Variants in NEGR1 observed in about 807,000 individuals in gnomAD.
The protein encoded by NEGR1 is IgLON family member 4.
NEGR1 carries 10 observed loss-of-function variants against 40.9 expected under a neutral mutation model. That is an observed-to-expected ratio of 0.24 (90% confidence interval 0.15 to 0.42). The LOEUF is 0.42. Ranked by LOEUF, NEGR1 falls within the 10% of genes least tolerant of loss-of-function variation. NEGR1 has a pLI of 1.00. For synonymous variants in NEGR1, 185 were observed against 166.8 expected, an observed-to-expected ratio of 1.11 and a Z score of -0.84; for missense variants, 352 against 438.9, an observed-to-expected ratio of 0.80 and a Z score of 1.77.
At chr1:71,513,162 A>T (rs1294290241) in intron 6 of NEGR1, among the ~76,000 whole-genome samples, 1 of 119,654 alleles carries the variant, frequency 8.4e-6, no homozygotes, top group East Asian at 2.1e-4. Context: ...ATTATACTAC[A>T]TATAATTCAA....
At chr1:72,155,836 C>T (rs2100364041) in intron 1 of NEGR1, among the ~76,000 whole-genome samples, 1 of 152,178 alleles carries the variant, frequency 6.6e-6, no homozygotes, top group Admixed American at 6.6e-5. Context: ...ACATTGGTGT[C>T]TAACACACAG....
At chr1:71,668,339 G>A (rs1406530611) in intron 4 of NEGR1, among the ~76,000 whole-genome samples, 3 of 152,114 alleles carry the variant, frequency 2.0e-5, no homozygotes, top group Non-Finnish European at 4.4e-5. Flanking sequence ...CCGTTCCCTG[G>A]GTAGCAGTGG....
chr1:71,938,923 A>C (rs144391779), intron 1 of NEGR1, among the ~76,000 whole-genome samples: 1 of 152,262 alleles, frequency 6.6e-6, no homozygotes, highest in African/African-American at 2.4e-5. Context: ...AGCAGAATGA[A>C]CATTTTAGAG....
chr1:72,172,274 A>G (rs1278014489), intron 1 of NEGR1, among the ~76,000 whole-genome samples: 1 of 152,166 alleles, frequency 6.6e-6, no homozygotes, highest in Non-Finnish European at 1.5e-5. Flanking sequence ...CATTATTTCA[A>G]TAATTTTGTC....
intron 2 of NEGR1, among the ~76,000 whole-genome samples, chr1:71,915,252 A>C (rs1661541134): frequency 6.6e-6 from 1 of 152,146 alleles, no homozygotes; most frequent in African/African-American, 2.4e-5. Flanking sequence ...TGTCATTACA[A>C]AGTTGAAAAA....
At chr1:71,653,954 C>A (rs1651795983) in intron 4 of NEGR1, among the ~76,000 whole-genome samples, 5 of 152,238 alleles carry the variant, frequency 3.3e-5, no homozygotes, top group African/African-American at 1.2e-4. Flanking sequence ...CCTCAGATAA[C>A]TCTCTTTGTT....
intron 1 of NEGR1, among the ~76,000 whole-genome samples, chr1:72,252,678 G>C (rs1655142403): frequency 1.3e-5 from 2 of 152,132 alleles, no homozygotes; most frequent in African/African-American, 4.8e-5. Flanking sequence ...GGGAGAGAGA[G>C]ACGGAGAGAG....
intron 2 of NEGR1, among the ~76,000 whole-genome samples, chr1:71,928,366 A>ATATGTATATATGTG (rs1645814094): frequency 1.0e-5 from 1 of 98,332 alleles, no homozygotes; most frequent in Non-Finnish European, 2.0e-5. Flanking sequence ...ATATATACAC[A>ATATGTATATATGTG]TATGTATATA....
chr1:71,744,351 T>TAAC (rs1237361184), intron 3 of NEGR1, among the ~76,000 whole-genome samples: 1 of 146,816 alleles, frequency 6.8e-6, no homozygotes, highest in Non-Finnish European at 1.5e-5. Flanking sequence ...TAAATAATAA[T>TAAC]AATAATAATA....
intron 1 of NEGR1, among the ~76,000 whole-genome samples, chr1:72,030,225 T>C (rs1369729325): frequency 6.6e-6 from 1 of 151,866 alleles, no homozygotes; most frequent in African/African-American, 2.4e-5. Flanking sequence ...GATGGAGTCT[T>C]GCTCTGTCAC....
At chr1:71,420,448 A>G (rs886188096) in intron 6 of NEGR1, among the ~76,000 whole-genome samples, 2 of 152,074 alleles carry the variant, frequency 1.3e-5, no homozygotes, top group African/African-American at 4.8e-5. Flanking sequence ...CACAAAGATG[A>G]ACAATACCTA....
chr1:71,955,263 T>C (rs1380785505), intron 1 of NEGR1, among the ~76,000 whole-genome samples: 1 of 152,180 alleles, frequency 6.6e-6, no homozygotes, highest in African/African-American at 2.4e-5. Flanking sequence ...GCCTACAATC[T>C]AATGTGGCCT....
chr1:71,984,244 G>A (rs1053551986), intron 1 of NEGR1, among the ~76,000 whole-genome samples: 1 of 145,784 alleles, frequency 6.9e-6, no homozygotes, highest in Admixed American at 6.8e-5. Context: ...ATTACTTCAG[G>A]TCCTACTGCT....
At chr1:72,132,901 A>G (rs939108052) in intron 1 of NEGR1, among the ~76,000 whole-genome samples, 2 of 152,226 alleles carry the variant, frequency 1.3e-5, no homozygotes, top group South Asian at 4.1e-4. Context: ...CATATTAAAC[A>G]GTTGTGTTGT....
chr1:71,401,914 G>A lies in NEGR1; in HGVS notation c.*5532C>T, dbSNP rs993259818. ...ACGTTTCCAAAGTTTTAGATGACAT[G>A]TACAATCTGATTAGCCTTTAAATCT... On this transcript the variant is annotated 3_prime_UTR_variant, in exon 7 of 7. Transcript: ENST00000357731. 3 of 152,044 alleles carry A rather than the reference G, an allele frequency of 2.0e-5. No homozygotes were observed. The highest frequency in any genetic ancestry group is 2.9e-5 in the Non-Finnish European group (2 of 68,022). 9.4% of individuals were successfully genotyped at this position (152,044 alleles called of 1,614,324 possible).
chr1:71,579,368 T>C (rs1048349525), intron 6 of NEGR1, among the ~76,000 whole-genome samples: 1 of 152,202 alleles, frequency 6.6e-6, no homozygotes, highest in African/African-American at 2.4e-5. Flanking sequence ...CAAGTTATTT[T>C]AGCTCAACTT....
At chr1:71,433,812 CT>C (rs1173111123) in intron 6 of NEGR1, among the ~76,000 whole-genome samples, 2 of 152,320 alleles carry the variant, frequency 1.3e-5, no homozygotes, top group African/African-American at 4.8e-5. Context: ...GAGAGATTAT[CT>C]TTCTCTATAA....
chr1:72,242,294 A>C (rs989348789), intron 1 of NEGR1, among the ~76,000 whole-genome samples: 1 of 151,734 alleles, frequency 6.6e-6, no homozygotes, highest in Non-Finnish European at 1.5e-5. Flanking sequence ...AATGAGAAAA[A>C]ATTAAGCTAT....
chr1:72,145,135 G>A (rs1277063191), intron 1 of NEGR1, among the ~76,000 whole-genome samples: 1 of 151,926 alleles, frequency 6.6e-6, no homozygotes, highest in Non-Finnish European at 1.5e-5. Context: ...ATGTCTACCT[G>A]GCCCTCAAAG....
Sources: gnomAD v4.1 joint callset for allele counts (sites outside exome capture counted in the v4.1 genomes callset) on GRCh38, gnomAD v4.1.1 for gene constraint, MANE v1.5 for transcripts, NCBI Gene and HGNC (gene_info 2026-07-23, HGNC 2026-07-21) for gene names.